The following CRAT variants were observed in gnomAD, a reference collection of about 807,000 sequenced individuals.
CRAT encodes the protein carnitine acetylase.
In CRAT, 66 loss-of-function variants were observed where a neutral mutation model predicts 73.7. The observed-to-expected ratio is 0.90, with a 90% CI of 0.73 to 1.10. The LOEUF (loss-of-function observed/expected upper bound fraction) is 1.10. Among genes scored for constraint, CRAT ranks in the 50% least tolerant of loss-of-function variants. The pLI is 0.00. For synonymous variants in CRAT, 321 were observed against 343.2 expected, an observed-to-expected ratio of 0.94 and a Z score of 0.71; for missense variants, 745 against 846.9, an observed-to-expected ratio of 0.88 and a Z score of 1.49.
intron 13 of CRAT, 76 bp from the exon 14 acceptor site, chr9:129,095,688 C>A: frequency 7.0e-7 from 1 of 1,438,170 alleles, no homozygotes. Context: ...CCTGTGCTTC[C>A]GCCAAGACTG....
chr9:129,098,460 A>C, intron 9 of CRAT, 71 bp downstream of exon 9: 1 of 1,590,184 alleles, frequency 6.3e-7, no homozygotes, highest in East Asian at 2.2e-5. Context: ...CAGAGCTGGC[A>C]CAGGAGCCTC....
intron 7 of CRAT, chr9:129,100,242 AG>A (rs1847575859): frequency 3.4e-6 from 2 of 582,030 alleles, no homozygotes; most frequent in Non-Finnish European, 6.1e-6. Flanking sequence ...CTGTTGTGCC[AG>A]GATTGCACTG....
chr9:129,098,681 C>G (rs750224903), intron 8 of CRAT, 31 bp from the exon 9 acceptor site: 10 of 1,586,830 alleles, frequency 6.3e-6, no homozygotes, highest in Non-Finnish European at 8.5e-6. Context: ...CAGGCTCATG[C>G]TGGTGCCTCT....
At position 129,103,188 on chromosome 9, in the gene CRAT, G is replaced by GC; in HGVS notation, c.411-123dup. The GC allele has an allele frequency of 1.2e-6, 1 of 855,994 alleles. No homozygotes were observed. Among genetic ancestry groups the GC allele is most frequent in the East Asian group, 2.5e-5 (1 of 40,642 alleles). The allele number at this position is 855,994 out of a possible 1,614,324, so 53.0% of individuals were successfully genotyped here. On this transcript the variant is annotated intron_variant, in intron 3 of 13. Transcript: ENST00000318080. The surrounding 1 kb of genome is among the most constrained non-coding windows in gnomAD (Gnocchi z 4.6). ...CAGCCTCTCTCACCGCTTCCAGAAA[G>GC]CCTGGGAGCGCAAGGGAGGGGCCTG...
At position 129,110,745 on chromosome 9, in the gene CRAT, G is replaced by A; in HGVS notation, c.-236C>T. 1.7e-6 allele frequency: 1 copy of A among 590,342 alleles called. No individual in the cohort carries two copies. Among genetic ancestry groups the A allele is most frequent in the Admixed American group, 4.0e-5 (1 of 25,022 alleles). The allele number at this position is 590,342 out of a possible 1,614,324, so 36.6% of individuals were successfully genotyped here. On this transcript the variant is annotated 5_prime_UTR_variant, in exon 1 of 14. Coordinates refer to ENST00000318080, the MANE Select transcript of CRAT (RefSeq NM_000755.5). This position sits in a 1 kb window ranked among gnomAD's most constrained non-coding sequence, Gnocchi z 5.3. ...CGAGGCGGGGCCTGGGCCGGTAGCG[G>A]GCCCCGGGCGGGCAACGGTGCCCGG...
In CRAT at chr9:129,098,267, A is replaced by G. The variant is rs774333847; in HGVS notation, c.1310T>C (p.Leu437Ser). 1 of 1,613,944 alleles carries G rather than the reference A, an allele frequency of 6.2e-7. No homozygotes were observed. Among genetic ancestry groups the G allele is most frequent in the Non-Finnish European group, 8.5e-7 (1 of 1,180,030 alleles). Residue 437 changes from leucine to serine, a missense_variant, in exon 10 of 14, where the codon TTG becomes TCG. Coordinates refer to ENST00000318080, the MANE Select transcript of CRAT (RefSeq NM_000755.5). ...LSPDAFIQMA[L>S]QLAYYRIYGQ... ...GGCGCACCTGTAGTAGGCCAGCTGC[A>G]AAGCCATCTGGATGAAGGCATCTGG...
chr9:129,109,322 C>T (rs1365669476), intron 1 of CRAT: 2 of 1,282,978 alleles, frequency 1.6e-6, no homozygotes. Context: ...AGGAAAAGGC[C>T]ATCAGTGGAT....
At chr9:129,098,199 C>T (rs1847413324) in intron 10 of CRAT, 50 bp downstream of exon 10, 8 of 1,612,748 alleles carry the variant, frequency 5.0e-6, no homozygotes, top group Non-Finnish European at 6.8e-6. Flanking sequence ...CACCCCCTCC[C>T]CTGCCCCCAG....
rs1037146681 is a variant in CRAT, at chr9:129,106,875, G to T, written c.291+939C>A. ...TTCCACCCGTGCCCCCACCTCATTG[G>T]CAAGTGACACTGGCACTGCCTCCAA... On this transcript the variant is annotated intron_variant, in intron 2 of 13. Coordinates refer to ENST00000318080, the MANE Select transcript of CRAT (RefSeq NM_000755.5). The surrounding 1 kb of genome is among the most constrained non-coding windows in gnomAD (Gnocchi z 4.0). Among the ~76,000 whole-genome samples, 1 of 152,066 alleles carries T rather than the reference G, an allele frequency of 6.6e-6. No homozygotes were observed. The highest frequency in any genetic ancestry group is 1.5e-5 in the Non-Finnish European group (1 of 68,010).
rs1848374483 is a variant in CRAT, at chr9:129,110,603, T to C, written c.-94A>G. 2.9e-6 allele frequency: 4 copies of C among 1,369,342 alleles called. No individual in the cohort carries two copies. Among genetic ancestry groups the C allele is most frequent in the South Asian group, 1.5e-5 (1 of 66,898 alleles). The allele number at this position is 1,369,342 out of a possible 1,614,324, so 84.8% of individuals were successfully genotyped here. Reference sequence around the variant, plus strand: ...CGCCGCGGCTGGGGTCGGTGGGTCCTTGCTAGAGCCTTCGGGCCAAGGTCG... The same window carrying C: ...CGCCGCGGCTGGGGTCGGTGGGTCCCTGCTAGAGCCTTCGGGCCAAGGTCG... On this transcript the variant is annotated 5_prime_UTR_variant, in exon 1 of 14. Transcript: ENST00000318080. This position sits in a 1 kb window ranked among gnomAD's most constrained non-coding sequence, Gnocchi z 5.3.
At position 129,104,369 on chromosome 9, in the gene CRAT, G is replaced by C. The variant is rs574357284; in HGVS notation, c.292-63C>G. On this transcript the variant is annotated intron_variant, in intron 2 of 13. Coordinates refer to ENST00000318080, the MANE Select transcript of CRAT (RefSeq NM_000755.5). The stretch of plus-strand genomic sequence containing the variant: ...GGGCCCTGGTGCCCCCTGTTCCCCA[G>C]GGCTAGGGGACCTGGCTGGCCCCCA... 47 of 1,362,610 alleles carry C rather than the reference G, an allele frequency of 3.4e-5. No individual in the cohort carries two copies. In the African/African-American group the frequency reaches 5.8e-4, roughly 17 times the overall value. 84.4% of individuals were successfully genotyped at this position (1,362,610 alleles called of 1,614,324 possible).
chr9:129,099,401 G>A (rs1847511769), intron 8 of CRAT, among the ~76,000 whole-genome samples: 1 of 147,846 alleles, frequency 6.8e-6, no homozygotes, highest in Non-Finnish European at 1.5e-5. Flanking sequence ...TGGGATTATA[G>A]GCATGAGCCA....
chr9:129,104,810 T>C (rs1030833248), intron 2 of CRAT, among the ~76,000 whole-genome samples: 6 of 151,520 alleles, frequency 4.0e-5, no homozygotes, highest in South Asian at 4.2e-4. Context: ...TTCACCGTGT[T>C]AGCCAGGATG....
At chr9:129,108,433 G>A in intron 1 of CRAT, 4 of 1,177,798 alleles carry the variant, frequency 3.4e-6, no homozygotes, top group Non-Finnish European at 4.2e-6. Context: ...AGCCAGCAGA[G>A]TGGTGACTGT....
rs761146433 is a variant in CRAT, at chr9:129,098,052, T to C, written c.1425A>G (p.Ser475=). Residue 475 remains serine (S), a synonymous_variant, in exon 11 of 14, where the codon TCA becomes TCG. Coordinates refer to ENST00000318080, the MANE Select transcript of CRAT (RefSeq NM_000755.5). ...CATCCATGGCCTTGACAAAGGTGAG[T>C]GAGTCCATGGAAGCCGAGCGGATGG... The part of the protein sequence containing the change: ...TDTIRSASMD[S]LTFVKAMDDS... 5.6e-6 allele frequency: 9 copies of C among 1,613,778 alleles called. No homozygotes were observed. The Middle Eastern group carries it at 8.3e-4, about 148-fold the overall frequency.
chr9:129,110,032 C>G lies in CRAT; in HGVS notation c.27+451G>C, dbSNP rs1848310644. Among the ~76,000 whole-genome samples, 1 of 152,100 alleles carries G rather than the reference C, an allele frequency of 6.6e-6. No individual in the cohort carries two copies. The highest frequency in any genetic ancestry group is 2.4e-5 in the African/African-American group (1 of 41,406). ...TTGATGCCTCCGCGTGTTTCTCTGG[C>G]CACACACAATTCCCCAGGGACCGTC... On this transcript the variant is annotated intron_variant, in intron 1 of 13. Transcript: ENST00000318080. This position sits in a 1 kb window ranked among gnomAD's most constrained non-coding sequence, Gnocchi z 5.3.
chr9:129,102,917 A>G, intron 4 of CRAT, 96 bp downstream of exon 4: 1 of 1,190,100 alleles, frequency 8.4e-7, no homozygotes, highest in South Asian at 1.2e-5. Context: ...CCAGGGCCCA[A>G]GCTGGCATGC....
At chr9:129,097,364 C>T (rs1847347831) in intron 11 of CRAT, 52 bp from the exon 12 acceptor site, 3 of 1,437,688 alleles carry the variant, frequency 2.1e-6, no homozygotes, top group Non-Finnish European at 2.8e-6. Flanking sequence ...TCTCTTCTGG[C>T]CCACCTCAGT....
chr9:129,095,493 G>A lies in CRAT; in HGVS notation c.1785C>T (p.Cys595=), dbSNP rs201995132. The A allele has an allele frequency of 9.7e-5, 157 of 1,613,490 alleles. No individual in the cohort carries two copies. The African/African-American group carries it at 1.4e-3, about 15-fold the overall frequency. The part of the protein sequence containing the change: ...INFSLSAYNS[C]AETNAARLAH... ...CCAGGCGGGCGGCGTTGGTCTCCGC[G>A]CAGCTGTTGTAGGCCGACAGGGAGA... Residue 595 remains cysteine, a synonymous_variant, in exon 14 of 14, where the codon TGC becomes TGT. Coordinates refer to ENST00000318080, the MANE Select transcript of CRAT (RefSeq NM_000755.5).
Sources: allele counts gnomAD v4.1 joint callset (sites outside exome capture counted in the v4.1 genomes callset), GRCh38; gene constraint gnomAD v4.1.1; non-coding constraint Gnocchi (gnomAD v3.1); transcripts MANE v1.5; gene names NCBI Gene and HGNC (gene_info 2026-07-23, HGNC 2026-07-21).